Variants in MYO1B observed in about 807,000 individuals in gnomAD.
MYO1B encodes myosin IB.
Under a neutral mutation model 159.7 loss-of-function variants are expected in MYO1B, and 72 were observed. That is an observed-to-expected ratio of 0.45 (90% confidence interval 0.37 to 0.55). The LOEUF (loss-of-function observed/expected upper bound fraction) is 0.55. MYO1B is among the 20% of genes least tolerant of loss of function. The pLI, the probability that MYO1B is intolerant of heterozygous loss-of-function variation, is 0.00. For synonymous variants in MYO1B, 468 were observed against 473.8 expected, an observed-to-expected ratio of 0.99 and a Z score of 0.16; for missense variants, 1,062 against 1,364.8, an observed-to-expected ratio of 0.78 and a Z score of 3.50.
At chr2:191,258,599 G>A (rs1235764630) in intron 1 of MYO1B, among the ~76,000 whole-genome samples, 4 of 152,234 alleles carry the variant, frequency 2.6e-5, no homozygotes, top group Admixed American at 2.6e-4. Context: ...GTTGTTGACA[G>A]AAACAGATGT....
chr2:191,363,623 T>C, intron 9 of MYO1B, 105 bp from the exon 10 acceptor site: 1 of 1,405,314 alleles, frequency 7.1e-7, no homozygotes, highest in Non-Finnish European at 9.4e-7. Flanking sequence ...GCTTTGTCTT[T>C]TATGGGTTTT....
chr2:191,260,254 C>CTTT lies in MYO1B; in HGVS notation c.-10+14639_-10+14641dup, dbSNP rs57237733. Among the ~76,000 whole-genome samples, 23 of 61,004 alleles carry CTTT rather than the reference C, an allele frequency of 3.8e-4. 6 individuals are homozygous for CTTT. Among genetic ancestry groups the CTTT allele is most frequent in the Admixed American group, 3.3e-3 (11 of 3,304 alleles). 40.0% of individuals were successfully genotyped at this position (61,004 alleles called of 152,430 possible). ...TAATATTACTTTTTTCCCAGATAGGCTTTTTTTTTTTTTGAATTAAAGCTA... is the reference window on the plus strand; with the variant it reads ...TAATATTACTTTTTTCCCAGATAGGCTTTTTTTTTTTTTTTTGAATTAAAGCTA... On this transcript the variant is annotated intron_variant, in intron 1 of 30. Coordinates refer to ENST00000392318, the MANE Select transcript of MYO1B (RefSeq NM_001130158.3).
At chr2:191,406,098 TTGC>T (rs1696902234) in intron 24 of MYO1B, among the ~76,000 whole-genome samples, 1 of 152,210 alleles carries the variant, frequency 6.6e-6, no homozygotes, top group African/African-American at 2.4e-5. Flanking sequence ...CTATCAGCAC[TTGC>T]TGCTTCTTTC....
intron 2 of MYO1B, among the ~76,000 whole-genome samples, chr2:191,289,453 T>C (rs1688572031): frequency 6.6e-6 from 1 of 152,184 alleles, no homozygotes; most frequent in African/African-American, 2.4e-5. Flanking sequence ...TCTTGGGGAT[T>C]TGGGAGTAGT....
At chr2:191,393,337 G>C in intron 20 of MYO1B, 115 bp downstream of exon 20, 1 of 1,183,052 alleles carries the variant, frequency 8.5e-7, no homozygotes, top group Non-Finnish European at 1.2e-6. Flanking sequence ...AACCTCATGA[G>C]ATAATGGATG....
chr2:191,246,550 GCCCC>G (rs71030330), intron 1 of MYO1B, among the ~76,000 whole-genome samples: 1 of 148,016 alleles, frequency 6.8e-6, no homozygotes, highest in Admixed American at 6.7e-5. Context: ...AGTGAAAGAA[GCCCC>G]CCCCCCTTTT....
chr2:191,411,372 C>T (rs1697239661), intron 27 of MYO1B, among the ~76,000 whole-genome samples, 200 bp downstream of exon 27: 1 of 152,086 alleles, frequency 6.6e-6, no homozygotes, highest in Non-Finnish European at 1.5e-5. Flanking sequence ...AATGAGGTTA[C>T]GATTGTTGGT....
At chr2:191,348,173 G>A (rs890251577) in intron 6 of MYO1B, among the ~76,000 whole-genome samples, 1 of 152,150 alleles carries the variant, frequency 6.6e-6, no homozygotes, top group Admixed American at 6.5e-5. Context: ...TGAATTCTCA[G>A]GGCTGGCCAC....
chr2:191,302,234 G>C (rs1270692196), intron 3 of MYO1B, among the ~76,000 whole-genome samples: 2 of 152,190 alleles, frequency 1.3e-5, no homozygotes, highest in Admixed American at 1.3e-4. Flanking sequence ...TCTTGCTATG[G>C]TTGATTAGGT....
chr2:191,248,930 G>A (rs549170718), intron 1 of MYO1B, among the ~76,000 whole-genome samples: 2 of 152,312 alleles, frequency 1.3e-5, no homozygotes, highest in South Asian at 4.1e-4. Flanking sequence ...TGGAAGCCCA[G>A]GTTAGGACAT....
chr2:191,355,363 G>T (rs1693206884), intron 7 of MYO1B, among the ~76,000 whole-genome samples: 1 of 152,300 alleles, frequency 6.6e-6, no homozygotes, highest in South Asian at 2.1e-4. Flanking sequence ...GGGGTGATTT[G>T]TTATGCAGCA....
intron 23 of MYO1B, 97 bp from the exon 24 acceptor site, chr2:191,402,535 A>G (rs989813358): frequency 1.6e-5 from 16 of 991,592 alleles, no homozygotes; most frequent in Middle Eastern, 2.1e-4. Context: ...ATCCTTATTC[A>G]TAAATTGGCT....
rs374294017 is a variant in MYO1B, at chr2:191,363,685, A to C, written c.766-43A>C. ...GATTCATTAAAAAAGAAAAGAAAAT[A>C]ACTATAAGAAAAAAATAGTTGCTTT... On this transcript the variant is annotated intron_variant, in intron 9 of 30. Coordinates refer to ENST00000392318, the MANE Select transcript of MYO1B (RefSeq NM_001130158.3). The C allele has an allele frequency of 1.1e-5, 17 of 1,560,950 alleles. No individual in the cohort carries two copies. In the African/African-American group the frequency reaches 2.2e-4, roughly 20 times the overall value.
intron 2 of MYO1B, among the ~76,000 whole-genome samples, chr2:191,283,444 T>A (rs1297639049): frequency 1.3e-5 from 2 of 152,220 alleles, no homozygotes; most frequent in East Asian, 1.9e-4. Flanking sequence ...CTGGGACAAG[T>A]TAACTCCTTG....
At chr2:191,418,275 C>A (rs978419598) in intron 30 of MYO1B, among the ~76,000 whole-genome samples, 2 of 152,070 alleles carry the variant, frequency 1.3e-5, no homozygotes, top group Non-Finnish European at 2.9e-5. Flanking sequence ...GCGCCTGTTC[C>A]TTTATGTGTC....
intron 1 of MYO1B, among the ~76,000 whole-genome samples, chr2:191,250,750 C>T (rs1686060409): frequency 6.6e-6 from 1 of 152,166 alleles, no homozygotes; most frequent in Non-Finnish European, 1.5e-5. Context: ...GGAATTGAGT[C>T]ACTAGCCCAG....
chr2:191,388,962 C>T (rs946928246), intron 17 of MYO1B, among the ~76,000 whole-genome samples: 5 of 152,062 alleles, frequency 3.3e-5, no homozygotes, highest in African/African-American at 1.2e-4. Context: ...ATATTTTCTT[C>T]TAGAAGCTTT....
intron 1 of MYO1B, among the ~76,000 whole-genome samples, chr2:191,273,252 G>C (rs1687565005): frequency 6.6e-6 from 1 of 152,124 alleles, no homozygotes; most frequent in Non-Finnish European, 1.5e-5. Flanking sequence ...CTCCTGAGTA[G>C]CTGGGATTAC....
Position 191,424,693 on chromosome 2 carries a change from C to A in MYO1B, c.*733C>A, listed in dbSNP as rs1268704934. The A allele has an allele frequency of 6.6e-6, 1 of 152,126 alleles. No individual in the cohort carries two copies. The highest frequency in any genetic ancestry group is 6.5e-5 in the Admixed American group (1 of 15,276). 9.4% of individuals were successfully genotyped at this position (152,126 alleles called of 1,614,324 possible). ...ACTTGTAACAGTAGAAAATAGAAGTCATTCTTATTTTAGAAAAAGTGACAG... is the reference window on the plus strand; with the variant it reads ...ACTTGTAACAGTAGAAAATAGAAGTAATTCTTATTTTAGAAAAAGTGACAG... On this transcript the variant is annotated 3_prime_UTR_variant, in exon 31 of 31. Coordinates refer to ENST00000392318, the MANE Select transcript of MYO1B (RefSeq NM_001130158.3).
Sources: allele counts gnomAD v4.1 joint callset (sites outside exome capture counted in the v4.1 genomes callset), GRCh38; gene constraint gnomAD v4.1.1; transcripts MANE v1.5; gene names NCBI Gene and HGNC (gene_info 2026-07-23, HGNC 2026-07-21).